Variants in SHCBP1L observed in about 807,000 individuals in gnomAD.
SHCBP1L encodes the protein testicular spindle-associated protein SHCBP1L.
Under a neutral mutation model 62.5 loss-of-function variants are expected in SHCBP1L, and 67 were observed. The observed-to-expected ratio is 1.07, with a 90% CI of 0.88 to 1.31. The LOEUF (loss-of-function observed/expected upper bound fraction) is 1.31, where lower values mean the gene tolerates loss of function less well. Ranked by LOEUF, SHCBP1L falls within the 40% of genes most tolerant of loss-of-function variation. The pLI, the probability that SHCBP1L is intolerant of heterozygous loss-of-function variation, is 0.00. For synonymous variants in SHCBP1L, 284 were observed against 289.4 expected (o/e 0.98, Z 0.19); for missense variants, 823 against 809.8 (o/e 1.02, Z -0.20).
At chr1:182,933,289 AC>A (rs1456324688) in intron 5 of SHCBP1L, among the ~76,000 whole-genome samples, 4 of 152,202 alleles carry the variant, frequency 2.6e-5, no homozygotes, top group Non-Finnish European at 5.9e-5. Context: ...AATAGAGATA[AC>A]TTTACTTCTT....
At chr1:182,952,550 A>G in intron 1 of SHCBP1L, 179 bp downstream of exon 1, 2 of 685,712 alleles carry the variant, frequency 2.9e-6, no homozygotes, top group Non-Finnish European at 4.5e-6. Flanking sequence ...CTAGGGCAGG[A>G]CGCGGGCACC....
At chr1:182,909,700 G>A (rs1366586675) in intron 6 of SHCBP1L, among the ~76,000 whole-genome samples, 1 of 152,188 alleles carries the variant, frequency 6.6e-6, no homozygotes, top group Non-Finnish European at 1.5e-5. Context: ...CAGGACTTGA[G>A]TACACACGGA....
intron 2 of SHCBP1L, 102 bp from the exon 3 acceptor site, chr1:182,940,645 A>G (rs1651330860): frequency 1.1e-6 from 1 of 897,280 alleles, no homozygotes; most frequent in South Asian, 2.0e-5. Flanking sequence ...TTCTTCTTTT[A>G]AATTTATGAC....
chr1:182,909,396 C>T (rs73044361), intron 6 of SHCBP1L, among the ~76,000 whole-genome samples: 6,223 of 152,142 alleles, frequency 0.041, 389 homozygotes, highest in African/African-American at 0.14. Context: ...AGATAGCAAC[C>T]TAGAACAGAA....
chr1:182,951,131 A>T (rs768304459), intron 2 of SHCBP1L, among the ~76,000 whole-genome samples, 187 bp downstream of exon 2: 43 of 152,238 alleles, frequency 2.8e-4, no homozygotes, highest in Non-Finnish European at 4.9e-4. Context: ...ATTCCATTTA[A>T]TGATAATGGT....
Position 182,917,679 on chromosome 1 carries a change from G to T in SHCBP1L, c.1182+11968C>A, listed in dbSNP as rs564856349. Among the ~76,000 whole-genome samples, 3 of 152,250 alleles carry T rather than the reference G, an allele frequency of 2.0e-5. No homozygotes were observed. In the South Asian group the frequency reaches 6.2e-4, roughly 32 times the overall value. ...CCTCTTCACATGGTCATCCTTCTGT[G>T]CACATGCACTCCTGATGTCTTTTTC... On this transcript the variant is annotated intron_variant, in intron 6 of 9. Coordinates refer to ENST00000367547, the MANE Select transcript of SHCBP1L (RefSeq NM_030933.4).
At position 182,948,280 on chromosome 1, in the gene SHCBP1L, C is replaced by A. The variant is rs1473750568; in HGVS notation, c.555+3038G>T. Among the ~76,000 whole-genome samples, 6 of 152,174 alleles carry A rather than the reference C, an allele frequency of 3.9e-5. No homozygotes were observed. The East Asian group carries it at 1.2e-3, about 29-fold the overall frequency. On this transcript the variant is annotated intron_variant, in intron 2 of 9. Transcript: ENST00000367547. ...ATAATGGCCCCCAAAGACGTCCATTCCCTAATCCTAATCTGTGAATATGTT... is the reference window on the plus strand; with the variant it reads ...ATAATGGCCCCCAAAGACGTCCATTACCTAATCCTAATCTGTGAATATGTT...
chr1:182,934,585 C>A (rs2101946705), intron 5 of SHCBP1L, among the ~76,000 whole-genome samples: 1 of 152,184 alleles, frequency 6.6e-6, no homozygotes, highest in East Asian at 1.9e-4. Flanking sequence ...AGATACAAGT[C>A]TATCAGATAT....
chr1:182,927,784 G>A (rs751950580), intron 6 of SHCBP1L, among the ~76,000 whole-genome samples: 24 of 151,874 alleles, frequency 1.6e-4, no homozygotes, highest in Non-Finnish European at 2.9e-4. Flanking sequence ...GGAAGCTGAT[G>A]ATACTTTCTC....
chr1:182,949,975 G>C (rs1023104708), intron 2 of SHCBP1L, among the ~76,000 whole-genome samples: 1 of 151,754 alleles, frequency 6.6e-6, no homozygotes, highest in African/African-American at 2.4e-5. Flanking sequence ...TAGAGATGGG[G>C]TTTCACCATG....
chr1:182,951,879 G>A (rs1010701557), intron 1 of SHCBP1L: 1 of 346,018 alleles, frequency 2.9e-6, no homozygotes, highest in Non-Finnish European at 5.7e-6. Context: ...ATGCCACCAG[G>A]CACGGTGGCT....
intron 2 of SHCBP1L, among the ~76,000 whole-genome samples, chr1:182,943,275 ATTTTTTTT>A (rs767553592): frequency 1.3e-4 from 10 of 79,110 alleles, no homozygotes; most frequent in Non-Finnish European, 2.0e-4. Context: ...ACCATTCTTG[ATTTTTTTT>A]TTTTTTTTTT....
intron 6 of SHCBP1L, among the ~76,000 whole-genome samples, chr1:182,922,153 G>A (rs1217719110): frequency 6.6e-6 from 1 of 152,146 alleles, no homozygotes; most frequent in African/African-American, 2.4e-5. Context: ...CATAAAATAA[G>A]TTCTTAGAAA....
intron 6 of SHCBP1L, among the ~76,000 whole-genome samples, chr1:182,924,935 G>GAAAGAAAGAAAGAAAGAAAGA (rs1192815938): frequency 3.2e-5 from 2 of 62,346 alleles, no homozygotes; most frequent in African/African-American, 9.2e-5. Flanking sequence ...AGGAAGGAAG[G>GAAAGAAAGAAAGAAAGAAAGA]AAGAAAGAAA....
At chr1:182,952,444 A>C in intron 1 of SHCBP1L, 1 of 382,648 alleles carries the variant, frequency 2.6e-6, no homozygotes, top group East Asian at 4.6e-5. Context: ...TGATAAGGCC[A>C]ATATATCTTC....
intron 6 of SHCBP1L, among the ~76,000 whole-genome samples, chr1:182,916,910 A>G (rs894115397): frequency 2.0e-5 from 3 of 152,210 alleles, no homozygotes; most frequent in Non-Finnish European, 4.4e-5. Flanking sequence ...GTGGGAGGAA[A>G]GACAGGAGCA....
intron 1 of SHCBP1L, among the ~76,000 whole-genome samples, chr1:182,952,155 CCAA>C (rs1651764909): frequency 1.0e-4 from 2 of 19,074 alleles, no homozygotes; most frequent in African/African-American, 3.3e-4. Context: ...AACTCCGTCT[CCAA>C]AAAAAAAAAA....
chr1:182,926,753 C>T (rs975085064), intron 6 of SHCBP1L, among the ~76,000 whole-genome samples: 2 of 151,966 alleles, frequency 1.3e-5, no homozygotes, highest in Non-Finnish European at 2.9e-5. Context: ...ACTGTTTCTC[C>T]TAGATCTGGG....
chr1:182,931,866 TAGTATAATACAGAAG>T (rs1258357569), intron 5 of SHCBP1L, among the ~76,000 whole-genome samples: 1 of 151,756 alleles, frequency 6.6e-6, no homozygotes, highest in Non-Finnish European at 1.5e-5. Context: ...GCCACCATTA[TAGTATAATACAGAAG>T]AGTTTCACTG....
Sources: gnomAD v4.1 joint callset for allele counts (sites outside exome capture counted in the v4.1 genomes callset) on GRCh38, gnomAD v4.1.1 for gene constraint, MANE v1.5 for transcripts, NCBI Gene and HGNC (gene_info 2026-07-23, HGNC 2026-07-21) for gene names.